Variants in CRIM1 observed in about 807,000 individuals in gnomAD.
CRIM1 encodes the protein cysteine-rich motor neuron 1 protein.
A neutral mutation model predicts 116.4 loss-of-function variants in CRIM1; 32 were observed. That is an observed-to-expected ratio of 0.27 (90% confidence interval 0.21 to 0.37). CRIM1 has a LOEUF of 0.37. CRIM1 is among the 10% of genes least tolerant of loss of function. CRIM1 has a pLI of 1.00. For synonymous variants in CRIM1, 590 were observed against 509.2 expected, an observed-to-expected ratio of 1.16 and a Z score of -2.13; for missense variants, 1,331 against 1,354.8, an observed-to-expected ratio of 0.98 and a Z score of 0.28.
chr2:36,466,372 T>C (rs72865077), intron 5 of CRIM1, among the ~76,000 whole-genome samples: 3,162 of 152,246 alleles, frequency 0.021, 124 homozygotes, highest in African/African-American at 0.072. Flanking sequence ...CTCCCCACTC[T>C]GGTCATTATT....
chr2:36,544,298 A>G (rs1667159014), intron 14 of CRIM1, 78 bp from the exon 15 acceptor site: 2 of 1,235,584 alleles, frequency 1.6e-6, no homozygotes, highest in East Asian at 2.8e-5. Flanking sequence ...AATTGAGTGC[A>G]CCATTTGGAT....
chr2:36,424,928 C>T (rs936244902), intron 2 of CRIM1, among the ~76,000 whole-genome samples: 54 of 152,252 alleles, frequency 3.5e-4, no homozygotes, highest in African/African-American at 1.3e-3. Context: ...AAATTATTTC[C>T]TCTATTCTCT....
intron 7 of CRIM1, among the ~76,000 whole-genome samples, chr2:36,497,235 A>C (rs769538004): frequency 7.2e-5 from 11 of 152,190 alleles, no homozygotes; most frequent in Non-Finnish European, 1.2e-4. Context: ...GTGTGCCTAG[A>C]GTTCAGAATT....
At chr2:36,539,754 C>T (rs1666816232) in intron 14 of CRIM1, among the ~76,000 whole-genome samples, 2 of 151,984 alleles carry the variant, frequency 1.3e-5, no homozygotes, top group Non-Finnish European at 2.9e-5. Context: ...GGAAGAGGAG[C>T]CAAGGATGAC....
At chr2:36,364,800 A>T (rs1488143168) in intron 1 of CRIM1, among the ~76,000 whole-genome samples, 1 of 152,196 alleles carries the variant, frequency 6.6e-6, no homozygotes, top group African/African-American at 2.4e-5. Context: ...TTAGAGATTT[A>T]TATATATGAT....
chr2:36,526,648 T>C (rs1193030699), intron 13 of CRIM1, among the ~76,000 whole-genome samples: 3 of 152,126 alleles, frequency 2.0e-5, no homozygotes, highest in Non-Finnish European at 4.4e-5. Flanking sequence ...CTTGCTCTAA[T>C]GTTCGTGTTG....
intron 13 of CRIM1, among the ~76,000 whole-genome samples, chr2:36,528,570 T>A (rs1015230654): frequency 6.6e-6 from 1 of 152,180 alleles, no homozygotes; most frequent in Non-Finnish European, 1.5e-5. Context: ...GGGAACAGAG[T>A]ACGTGGCATT....
At chr2:36,379,764 TA>T (rs1670593605) in intron 1 of CRIM1, among the ~76,000 whole-genome samples, 2 of 146,316 alleles carry the variant, frequency 1.4e-5, no homozygotes, top group African/African-American at 5.2e-5. Flanking sequence ...TTTTTTTTTT[TA>T]AAGAAAAGCA....
chr2:36,496,118 C>A (rs915626399), intron 7 of CRIM1, among the ~76,000 whole-genome samples: 2 of 152,106 alleles, frequency 1.3e-5, no homozygotes, highest in Non-Finnish European at 2.9e-5. Context: ...GCAGTAAGGA[C>A]CCAAGACACA....
chr2:36,435,039 T>G (rs1230945406), intron 2 of CRIM1, among the ~76,000 whole-genome samples: 1 of 152,180 alleles, frequency 6.6e-6, no homozygotes, highest in African/African-American at 2.4e-5. Context: ...AGCTTTTTAT[T>G]GTCTGTCTTC....
At chr2:36,535,222 G>A (rs1204771462) in intron 13 of CRIM1, among the ~76,000 whole-genome samples, 1 of 149,678 alleles carries the variant, frequency 6.7e-6, no homozygotes, top group Non-Finnish European at 1.5e-5. Context: ...GGAGGGAGAA[G>A]GAAGGAAGGT....
chr2:36,396,839 A>T, intron 2 of CRIM1, 52 bp downstream of exon 2: 1 of 1,438,630 alleles, frequency 7.0e-7, no homozygotes, highest in African/African-American at 1.4e-5. Flanking sequence ...GCATTATGTA[A>T]CCCTGAGTAG....
chr2:36,516,967 G>T (rs1665069007), intron 11 of CRIM1, among the ~76,000 whole-genome samples: 1 of 152,188 alleles, frequency 6.6e-6, no homozygotes, highest in Admixed American at 6.5e-5. Flanking sequence ...CAAGTATTCT[G>T]TAAATGAGAG....
At chr2:36,423,521 G>A (rs2689714) in intron 2 of CRIM1, among the ~76,000 whole-genome samples, 117,685 of 152,170 alleles carry the variant, frequency 0.77, 45,860 homozygotes, top group East Asian at 0.99. Flanking sequence ...AAAGTAAGAT[G>A]ATGGTAATAA....
chr2:36,463,808 C>T (rs1006449665), intron 4 of CRIM1, among the ~76,000 whole-genome samples: 6 of 152,208 alleles, frequency 3.9e-5, no homozygotes, highest in African/African-American at 1.4e-4. Flanking sequence ...CACCCCCATT[C>T]ATGCGTGCAG....
At chr2:36,477,759 A>G (rs1018557532) in intron 6 of CRIM1, among the ~76,000 whole-genome samples, 11 of 152,232 alleles carry the variant, frequency 7.2e-5, no homozygotes, top group African/African-American at 2.7e-4. Flanking sequence ...TTCATAAACA[A>G]TAAGCATTTC....
chr2:36,498,522 A>G (rs184474046), intron 7 of CRIM1, among the ~76,000 whole-genome samples: 13 of 152,184 alleles, frequency 8.5e-5, no homozygotes, highest in Admixed American at 6.5e-5. Flanking sequence ...ACCCAAAGCA[A>G]TTCTTCATTA....
At chr2:36,447,912 C>T (rs963641646) in intron 4 of CRIM1, among the ~76,000 whole-genome samples, 2 of 152,176 alleles carry the variant, frequency 1.3e-5, no homozygotes, top group African/African-American at 2.4e-5. Context: ...AGGTGAAATT[C>T]GGGCAGCATT....
intron 1 of CRIM1, among the ~76,000 whole-genome samples, chr2:36,384,996 T>C: frequency 6.6e-6 from 1 of 152,164 alleles, no homozygotes; most frequent in East Asian, 1.9e-4. Flanking sequence ...TTATTGAATA[T>C]TGGTGGCAAA....
Sources: allele counts gnomAD v4.1 joint callset (sites outside exome capture counted in the v4.1 genomes callset), GRCh38; gene constraint gnomAD v4.1.1; transcripts MANE v1.5; gene names NCBI Gene and HGNC (gene_info 2026-07-23, HGNC 2026-07-21).